The following HTR2C variants were observed in gnomAD, a reference collection of about 807,000 sequenced individuals.
The protein encoded by HTR2C is 5-hydroxytryptamine receptor 2C, also known as 5-hydroxytryptamine (serotonin) receptor 2C, G protein-coupled.
Under a neutral mutation model 21.0 loss-of-function variants are expected in HTR2C, and 5 were observed. That is an observed-to-expected ratio of 0.24 (90% CI 0.12 to 0.50). The LOEUF (loss-of-function observed/expected upper bound fraction) is 0.50. Among genes scored for constraint, HTR2C ranks in the 20% least tolerant of loss-of-function variants. The probability of loss-of-function intolerance (pLI) is 0.98; values close to 1 mark genes in which losing one functional copy is unlikely to be tolerated. For synonymous variants in HTR2C, 150 were observed against 145.3 expected (o/e 1.03, Z -0.23); for missense variants, 271 against 371.2 (o/e 0.73, Z 2.22).
At chrX:114,628,931 TA>T (rs1172486439) in intron 2 of HTR2C, among the ~76,000 whole-genome samples, 5 of 112,269 alleles carry the variant, frequency 4.5e-5, no homozygotes, top group African/African-American at 1.6e-4. Flanking sequence ...AACTGTCAAA[TA>T]ATGAACATGT....
intron 4 of HTR2C, among the ~76,000 whole-genome samples, chrX:114,843,349 T>A (rs1602868368): frequency 9.0e-6 from 1 of 111,441 alleles, no homozygotes; most frequent in Non-Finnish European, 1.9e-5. Context: ...AAAATTCACA[T>A]GAGGGAATCA....
intron 2 of HTR2C, among the ~76,000 whole-genome samples, chrX:114,701,429 G>A (rs1260629893): frequency 3.6e-5 from 4 of 111,832 alleles, no homozygotes; most frequent in African/African-American, 1.3e-4. Flanking sequence ...TGCAGCCACT[G>A]CTGCTGATAA....
chrX:114,844,905 C>A (rs184011808), intron 4 of HTR2C, among the ~76,000 whole-genome samples: 1 of 111,473 alleles, frequency 9.0e-6, no homozygotes, highest in East Asian at 2.8e-4. Context: ...AAAGGTAGAT[C>A]TATAATAATA....
At chrX:114,759,666 C>T (rs2069846703) in intron 4 of HTR2C, among the ~76,000 whole-genome samples, 1 of 110,969 alleles carries the variant, frequency 9.0e-6, no homozygotes, top group African/African-American at 3.3e-5. Flanking sequence ...CCACGGGGCC[C>T]CAATTCGTCA....
intron 1 of HTR2C, among the ~76,000 whole-genome samples, chrX:114,595,960 G>A: frequency 8.9e-6 from 1 of 112,063 alleles, no homozygotes; most frequent in East Asian, 2.8e-4. Flanking sequence ...AACTTATTAT[G>A]ACTTCTCTCT....
rs1340397616 is a variant in HTR2C at position 114,909,810 on chromosome X, A to C, written c.*2395A>C. The stretch of plus-strand genomic sequence containing the variant: ...CAAACTTTTATAAATGTTTTAAAGA[A>C]GTCCATGTGATAATTGTAAAGGTGA... On this transcript the variant is annotated 3_prime_UTR_variant, in exon 6 of 6. Coordinates refer to ENST00000276198, the MANE Select transcript of HTR2C (RefSeq NM_000868.4). The C allele has an allele frequency of 1.6e-4, 18 of 112,395 alleles. No individual in the cohort carries two copies. Among genetic ancestry groups the C allele is most frequent in the African/African-American group, 5.8e-4 (18 of 30,813 alleles). 9.3% of individuals were successfully genotyped at this position (112,395 alleles called of 1,213,427 possible). A position where few individuals can be genotyped will look rare whatever the true frequency, so the allele number is the denominator to read the frequency against.
chrX:114,894,620 A>C (rs1170720565), intron 5 of HTR2C, among the ~76,000 whole-genome samples: 2 of 111,684 alleles, frequency 1.8e-5, no homozygotes, highest in Non-Finnish European at 3.8e-5. Context: ...TTATACTTGA[A>C]ATCTGTGTGT....
chrX:114,864,381 A>G (rs943704386), intron 5 of HTR2C, among the ~76,000 whole-genome samples: 2 of 111,448 alleles, frequency 1.8e-5, no homozygotes, highest in Non-Finnish European at 3.8e-5. Flanking sequence ...TAAGCTAACA[A>G]CTTAACTTCT....
At chrX:114,716,749 A>G (rs1332359282) in intron 2 of HTR2C, among the ~76,000 whole-genome samples, 1 of 112,044 alleles carries the variant, frequency 8.9e-6, no homozygotes, top group Non-Finnish European at 1.9e-5. Flanking sequence ...TTTGAAGTTG[A>G]AAGGAAAACT....
intron 5 of HTR2C, among the ~76,000 whole-genome samples, chrX:114,901,068 G>A (rs782740667): frequency 8.9e-6 from 1 of 112,320 alleles, no homozygotes; most frequent in African/African-American, 3.2e-5. Context: ...CACATGTACT[G>A]ACAATGACAA....
chrX:114,763,321 A>AC (rs2069901425), intron 4 of HTR2C: 2 of 123,647 alleles, frequency 1.6e-5, no homozygotes, highest in Admixed American at 1.9e-4. Context: ...GAGTGCTGTC[A>AC]CCCGGGGCTG....
rs141602433 is a variant in HTR2C, at chrX:114,850,130, G to A, written c.550+1927G>A. 2.4e-3 allele frequency among the ~76,000 whole-genome samples: 266 copies of A among 111,454 alleles called. 1 individual carries two copies. The highest frequency in any genetic ancestry group is 8.3e-3 in the African/African-American group (254 of 30,740). On this transcript the variant is annotated intron_variant, in intron 5 of 5. Transcript: ENST00000276198. ...TTAAGCATAATATGAAAAACTAAGG[G>A]CCAGGCAGTGTCTTACACCTGTAAT... is the stretch of plus-strand genomic sequence containing the variant.
chrX:114,646,507 T>C (rs1556407540), intron 2 of HTR2C, among the ~76,000 whole-genome samples: 1 of 112,393 alleles, frequency 8.9e-6, no homozygotes, highest in Non-Finnish European at 1.9e-5. Flanking sequence ...TGTGAGGTAA[T>C]ATTTCACTCT....
rs1556423296 is a variant in HTR2C at position 114,731,390 on chromosome X, A to C, written c.132A>C (p.Gly44=). 8.3e-7 allele frequency: 1 copy of C among 1,206,714 alleles called. No individual in the cohort carries two copies. Among genetic ancestry groups the C allele is most frequent in the Admixed American group, 2.2e-5 (1 of 45,922 alleles). Reference sequence around the variant, plus strand: ...ACATTTTCAATACCTCCGATGGTGGACGCTTCAAATTCCCAGACGGGGTAC... The same window carrying C: ...ACATTTTCAATACCTCCGATGGTGGCCGCTTCAAATTCCCAGACGGGGTAC... ...VTDIFNTSDG[G]RFKFPDGVQN... Residue 44 remains glycine, a synonymous_variant, in exon 4 of 6, where the codon GGA becomes GGC. Coordinates refer to ENST00000276198, the MANE Select transcript of HTR2C (RefSeq NM_000868.4).
rs945296639 is a variant in HTR2C, at chrX:114,789,163, G to A, written c.349+57556G>A. 8.9e-5 allele frequency among the ~76,000 whole-genome samples: 10 copies of A among 111,732 alleles called. 1 individual carries two copies. The highest frequency in any genetic ancestry group is 6.7e-4 in the Admixed American group (7 of 10,503). On this transcript the variant is annotated intron_variant, in intron 4 of 5. Coordinates refer to ENST00000276198, the MANE Select transcript of HTR2C (RefSeq NM_000868.4). ...AAATTATTTGCTTCACACTTTTGGC[G>A]CAGGGATAATTCTATAGGAAAGAAT...
rs782741979 is a variant in HTR2C, at chrX:114,723,291, G to A, written c.-79-3567G>A. Among the ~76,000 whole-genome samples the A allele has an allele frequency of 2.7e-5, 3 of 110,935 alleles. No individual in the cohort carries two copies. In the South Asian group the frequency reaches 1.1e-3, roughly 42 times the overall value. ...TTATCCATTTCTTCTAGATTTTCTA[G>A]TTTATTTGCATAGAGGTGTTTGTAG... On this transcript the variant is annotated intron_variant, in intron 2 of 5. Coordinates refer to ENST00000276198, the MANE Select transcript of HTR2C (RefSeq NM_000868.4).
At chrX:114,827,926 G>T (rs1320083412) in intron 4 of HTR2C, among the ~76,000 whole-genome samples, 2 of 109,892 alleles carry the variant, frequency 1.8e-5, no homozygotes, top group Non-Finnish European at 3.8e-5. Flanking sequence ...ATCTAGGTAT[G>T]ATTTTTTTTT....
chrX:114,854,518 C>T (rs1397294832), intron 5 of HTR2C, among the ~76,000 whole-genome samples: 6 of 110,279 alleles, frequency 5.4e-5, no homozygotes, highest in African/African-American at 1.3e-4. Context: ...GACTCGGTAA[C>T]GTACAATGTA....
intron 2 of HTR2C, among the ~76,000 whole-genome samples, chrX:114,639,189 T>G (rs1007182982): frequency 5.3e-5 from 6 of 112,299 alleles, no homozygotes; most frequent in Admixed American, 1.9e-4. Flanking sequence ...AATATTTTGA[T>G]CAAATTTTTA....
Sources: gnomAD v4.1 joint callset for allele counts (sites outside exome capture counted in the v4.1 genomes callset) on GRCh38, gnomAD v4.1.1 for gene constraint, MANE v1.5 for transcripts, NCBI Gene and HGNC (gene_info 2026-07-23, HGNC 2026-07-21) for gene names.